TMEM135: variants seen among roughly 807,000 people sequenced by gnomAD.
TMEM135 encodes transmembrane protein 135.
Under a neutral mutation model 60.3 loss-of-function variants are expected in TMEM135, and 30 were observed. The observed-to-expected ratio is 0.50, with a 90% CI of 0.37 to 0.68. The LOEUF is 0.68. Ranked by LOEUF, TMEM135 falls within the 30% of genes least tolerant of loss-of-function variation. The pLI, the probability that TMEM135 is intolerant of heterozygous loss-of-function variation, is 0.00. For synonymous variants in TMEM135, 190 were observed against 186.7 expected (o/e 1.02, Z -0.14); for missense variants, 468 against 548.8 (o/e 0.85, Z 1.47).
chr11:87,050,415 G>A (rs574375033), intron 1 of TMEM135, among the ~76,000 whole-genome samples: 7 of 67,774 alleles, frequency 1.0e-4, no homozygotes, highest in South Asian at 4.6e-4. Flanking sequence ...TTGATAGACC[G>A]CTAGCAAGAC....
At chr11:87,107,058 T>C (rs998080218) in intron 4 of TMEM135, among the ~76,000 whole-genome samples, 2 of 152,142 alleles carry the variant, frequency 1.3e-5, no homozygotes, top group Admixed American at 1.3e-4. Flanking sequence ...TCCAACCCCA[T>C]GATACAAACA....
chr11:87,305,594 T>G (rs1942524393), intron 8 of TMEM135, among the ~76,000 whole-genome samples: 1 of 151,812 alleles, frequency 6.6e-6, no homozygotes, highest in Admixed American at 6.6e-5. Context: ...GCCAACATAG[T>G]GAAACCCCAT....
intron 5 of TMEM135, among the ~76,000 whole-genome samples, chr11:87,160,155 A>G (rs1591065350): frequency 6.6e-6 from 1 of 152,228 alleles, no homozygotes; most frequent in East Asian, 1.9e-4. Flanking sequence ...TTATCCAGAT[A>G]CATGATGACA....
intron 2 of TMEM135, 128 bp downstream of exon 2, chr11:87,067,949 CATTT>C: frequency 8.7e-7 from 1 of 1,148,978 alleles, no homozygotes; most frequent in Admixed American, 2.1e-5. Flanking sequence ...TGTGAAGTGA[CATTT>C]ATGTCAATGA....
chr11:87,201,642 T>G (rs1235248525), intron 5 of TMEM135, among the ~76,000 whole-genome samples: 1 of 152,224 alleles, frequency 6.6e-6, no homozygotes, highest in African/African-American at 2.4e-5. Context: ...ATGTTAGCTG[T>G]ACATTATAAA....
chr11:87,049,533 A>T (rs1170471280), intron 1 of TMEM135, among the ~76,000 whole-genome samples: 5 of 126,794 alleles, frequency 3.9e-5, no homozygotes, highest in African/African-American at 1.5e-4. Flanking sequence ...CTGATAAAAC[A>T]GACTTTAAAC....
chr11:87,257,442 A>C (rs1181151785), intron 6 of TMEM135, among the ~76,000 whole-genome samples: 1 of 134,950 alleles, frequency 7.4e-6, no homozygotes, highest in African/African-American at 2.6e-5. Flanking sequence ...TGTTGGTTCA[A>C]ATCCTTCTCC....
intron 4 of TMEM135, among the ~76,000 whole-genome samples, chr11:87,127,985 T>C (rs1176647968): frequency 6.6e-6 from 1 of 152,172 alleles, no homozygotes; most frequent in African/African-American, 2.4e-5. Context: ...GAACATCTCT[T>C]AAATTCAAAT....
In TMEM135 at chr11:87,097,508, A is replaced by G. The variant is rs373678591; in HGVS notation, c.396+6113A>G. ...ATGTAAAATGATAGTAATCTTAACT[A>G]TCTATGGTTAAAATACCTTACTTTT... is the stretch of plus-strand genomic sequence containing the variant. On this transcript the variant is annotated intron_variant, in intron 4 of 14. Transcript: ENST00000305494. 1.3e-4 allele frequency among the ~76,000 whole-genome samples: 20 copies of G among 152,314 alleles called. 1 individual carries two copies. Among genetic ancestry groups the G allele is most frequent in the African/African-American group, 4.6e-4 (19 of 41,564 alleles).
chr11:87,204,097 G>C (rs142050498), intron 5 of TMEM135, among the ~76,000 whole-genome samples: 1 of 150,646 alleles, frequency 6.6e-6, no homozygotes, highest in South Asian at 2.1e-4. Context: ...CTTTTGGCTC[G>C]TTTACTTTCA....
At chr11:87,161,034 G>A (rs192659076) in intron 5 of TMEM135, among the ~76,000 whole-genome samples, 21 of 152,174 alleles carry the variant, frequency 1.4e-4, no homozygotes, top group Admixed American at 5.9e-4. Flanking sequence ...TGAGTAGTTG[G>A]GACCACATGC....
intron 12 of TMEM135, 59 bp from the exon 13 acceptor site, chr11:87,318,078 C>A: frequency 7.4e-7 from 1 of 1,344,056 alleles, no homozygotes; most frequent in Non-Finnish European, 1.1e-6. Context: ...CAATGCTCAA[C>A]TATGTTTTTA....
chr11:87,217,707 C>G (rs1940532442), intron 5 of TMEM135, among the ~76,000 whole-genome samples: 1 of 151,868 alleles, frequency 6.6e-6, no homozygotes, highest in South Asian at 2.1e-4. Context: ...ATCGCTTGAA[C>G]CAGGGAGGTG....
chr11:87,178,614 C>T (rs746352401), intron 5 of TMEM135: 73 of 413,400 alleles, frequency 1.8e-4, no homozygotes, highest in African/African-American at 7.2e-4. Context: ...TTAGTAGAGA[C>T]GGGATTTCAC....
At position 87,066,783 on chromosome 11, in the gene TMEM135, C is replaced by CT. The variant is rs1207661431; in HGVS notation, c.142-895dup. ...TACTTGTGTTGTTACTAGATTCTTTCTTTTTTTTTTTTTTTTGAGACAGAG... is the reference window on the plus strand; with the variant it reads ...TACTTGTGTTGTTACTAGATTCTTTCTTTTTTTTTTTTTTTTTGAGACAGAG... On this transcript the variant is annotated intron_variant, in intron 1 of 14. Coordinates refer to ENST00000305494, the MANE Select transcript of TMEM135 (RefSeq NM_022918.4). 1.0e-3 allele frequency among the ~76,000 whole-genome samples: 117 copies of CT among 115,958 alleles called. 1 individual carries two copies. Among genetic ancestry groups the CT allele is most frequent in the South Asian group, 5.3e-3 (20 of 3,802 alleles). 76.1% of individuals were successfully genotyped at this position (115,958 alleles called of 152,430 possible). A position where few individuals can be genotyped will look rare whatever the true frequency, so the allele number is the denominator to read the frequency against.
chr11:87,161,746 A>C (rs1357866169), intron 5 of TMEM135, among the ~76,000 whole-genome samples: 1 of 152,192 alleles, frequency 6.6e-6, no homozygotes, highest in East Asian at 1.9e-4. Context: ...TGAATTTTTA[A>C]AATTTTTAAA....
At chr11:87,058,775 A>G (rs1052781628) in intron 1 of TMEM135, among the ~76,000 whole-genome samples, 9 of 151,104 alleles carry the variant, frequency 6.0e-5, no homozygotes, top group Non-Finnish European at 1.2e-4. Context: ...GCCCACCACC[A>G]TGCCCGGCTA....
intron 4 of TMEM135, among the ~76,000 whole-genome samples, chr11:87,147,004 G>A (rs1046263320): frequency 6.6e-6 from 1 of 151,948 alleles, no homozygotes; most frequent in Non-Finnish European, 1.5e-5. Flanking sequence ...TGATGCCTAC[G>A]TGATTAAAGG....
intron 4 of TMEM135, among the ~76,000 whole-genome samples, chr11:87,155,246 G>T (rs937937544): frequency 9.2e-5 from 14 of 152,162 alleles, no homozygotes; most frequent in Admixed American, 5.2e-4. Context: ...TTATCCACCC[G>T]CCTCGGCCTC....
Sources: gnomAD v4.1 joint callset for allele counts (sites outside exome capture counted in the v4.1 genomes callset) on GRCh38, gnomAD v4.1.1 for gene constraint, MANE v1.5 for transcripts, NCBI Gene and HGNC (gene_info 2026-07-23, HGNC 2026-07-21) for gene names.